The following TM9SF2 variants were observed in gnomAD, a reference collection of about 807,000 sequenced individuals.
TM9SF2 encodes the protein 76 kDa membrane protein.
A neutral mutation model predicts 84.9 loss-of-function variants in TM9SF2; 13 were observed. The ratio of observed to expected loss-of-function variants is 0.15; its 90% CI spans 0.10 to 0.24. The LOEUF is 0.24. TM9SF2 is among the 10% of genes least tolerant of loss of function. The pLI is 1.00. For synonymous variants in TM9SF2, 273 were observed against 285.8 expected (o/e 0.96, Z 0.45); for missense variants, 562 against 818.5 (o/e 0.69, Z 3.82).
intron 13 of TM9SF2, among the ~76,000 whole-genome samples, chr13:99,553,356 G>A (rs1020796666): frequency 1.3e-5 from 2 of 152,096 alleles, no homozygotes; most frequent in Admixed American, 6.6e-5. Flanking sequence ...AAACTTCTTC[G>A]GCATTTTGTT....
intron 16 of TM9SF2, among the ~76,000 whole-genome samples, chr13:99,561,927 C>T (rs183862799): frequency 1.1e-4 from 16 of 152,216 alleles, no homozygotes; most frequent in Admixed American, 5.9e-4. Flanking sequence ...AGAGTGTCCC[C>T]ATCTAGCATT....
At chr13:99,514,274 C>T (rs1490474526) in intron 1 of TM9SF2, 1 of 152,250 alleles carries the variant, frequency 6.6e-6, no homozygotes, top group Non-Finnish European at 1.5e-5. Flanking sequence ...ATTCACCGCT[C>T]ACTCACCCAG....
chr13:99,548,632 G>T (rs781274230), intron 11 of TM9SF2, among the ~76,000 whole-genome samples: 26 of 152,140 alleles, frequency 1.7e-4, no homozygotes, highest in Non-Finnish European at 3.7e-4. Context: ...AGCAAACATG[G>T]TCTGTCAAAT....
At chr13:99,518,108 T>G (rs1314022883) in intron 2 of TM9SF2, among the ~76,000 whole-genome samples, 1 of 152,186 alleles carries the variant, frequency 6.6e-6, no homozygotes, top group African/African-American at 2.4e-5. Context: ...TTCATAGTAT[T>G]TATTTTTATT....
At chr13:99,515,963 C>T (rs1019784668) in intron 1 of TM9SF2, among the ~76,000 whole-genome samples, 1 of 152,118 alleles carries the variant, frequency 6.6e-6, no homozygotes, top group Non-Finnish European at 1.5e-5. Flanking sequence ...ATCTCCTGAC[C>T]TCAGGTGATC....
chr13:99,510,569 T>G (rs1779242488), intron 1 of TM9SF2, among the ~76,000 whole-genome samples: 1 of 152,122 alleles, frequency 6.6e-6, no homozygotes, highest in Admixed American at 6.6e-5. Context: ...GCGTGTCATA[T>G]GGTTACACAG....
At chr13:99,534,239 GACTATAGCTTATTGA>G (rs550718567) in intron 4 of TM9SF2, among the ~76,000 whole-genome samples, 119 of 152,228 alleles carry the variant, frequency 7.8e-4, no homozygotes, top group African/African-American at 2.8e-3. Flanking sequence ...AGAACCACTG[GACTATAGCTTATTGA>G]ATTATAAAGG....
At chr13:99,529,712 T>G in intron 4 of TM9SF2, 118 bp downstream of exon 4, 1 of 1,152,282 alleles carries the variant, frequency 8.7e-7, no homozygotes, top group East Asian at 2.9e-5. Context: ...ATTTCCTTTT[T>G]TTTGTTACTA....
At chr13:99,522,363 C>T (rs981689261) in intron 3 of TM9SF2, among the ~76,000 whole-genome samples, 2 of 152,100 alleles carry the variant, frequency 1.3e-5, no homozygotes, top group East Asian at 1.9e-4. Flanking sequence ...CCTAAAATTG[C>T]CAGTAACTTT....
intron 4 of TM9SF2, 22 bp from the exon 5 acceptor site, chr13:99,536,586 T>G (rs1359437516): frequency 1.9e-6 from 3 of 1,606,030 alleles, no homozygotes; most frequent in Non-Finnish European, 2.6e-6. Flanking sequence ...TTTTCTAACT[T>G]AACTCCTCTT....
intron 1 of TM9SF2, among the ~76,000 whole-genome samples, chr13:99,503,054 C>A (rs558046691): frequency 6.6e-6 from 1 of 152,190 alleles, no homozygotes; most frequent in Non-Finnish European, 1.5e-5. Context: ...TACTTAAGTT[C>A]ATACTCTGCA....
chr13:99,544,869 G>A (rs2046276437), intron 10 of TM9SF2, among the ~76,000 whole-genome samples: 1 of 151,990 alleles, frequency 6.6e-6, no homozygotes, highest in African/African-American at 2.4e-5. Flanking sequence ...TTGCCAACTA[G>A]GACAATTTTT....
At chr13:99,540,011 A>G (rs1396965465) in intron 7 of TM9SF2, among the ~76,000 whole-genome samples, 2 of 152,218 alleles carry the variant, frequency 1.3e-5, no homozygotes, top group African/African-American at 4.8e-5. Flanking sequence ...TGTTATGAGA[A>G]TCTTAGTATT....
At chr13:99,515,533 A>G (rs1462113845) in intron 1 of TM9SF2, among the ~76,000 whole-genome samples, 1 of 152,220 alleles carries the variant, frequency 6.6e-6, no homozygotes, top group Non-Finnish European at 1.5e-5. Flanking sequence ...TCGGTATTAC[A>G]TGCAAAGGCT....
Position 99,521,996 on chromosome 13 carries a change from A to AGCC in TM9SF2, c.333+1872_333+1874dup, listed in dbSNP as rs938060872. Among the ~76,000 whole-genome samples, 123 of 152,220 alleles carry AGCC rather than the reference A, an allele frequency of 8.1e-4. 1 individual carries two copies. Among genetic ancestry groups the AGCC allele is most frequent in the Middle Eastern group, 3.4e-3 (1 of 294 alleles). On this transcript the variant is annotated intron_variant, in intron 3 of 16. Transcript: ENST00000376387. Reference sequence around the variant, plus strand: ...GGTTGGGATTATAGACATAGACGTGAGCCGCCGTCTGACGCCTTTCAAATA... The same window carrying AGCC: ...GGTTGGGATTATAGACATAGACGTGAGCCGCCGCCGTCTGACGCCTTTCAAATA...
At chr13:99,526,993 C>T (rs1460611335) in intron 3 of TM9SF2, among the ~76,000 whole-genome samples, 1 of 152,140 alleles carries the variant, frequency 6.6e-6, no homozygotes, top group Non-Finnish European at 1.5e-5. Flanking sequence ...CAGCATCCGT[C>T]AGGGACAGCC....
intron 7 of TM9SF2, among the ~76,000 whole-genome samples, chr13:99,540,014 T>C (rs2046251288): frequency 6.6e-6 from 1 of 152,216 alleles, no homozygotes; most frequent in Admixed American, 6.5e-5. Flanking sequence ...TATGAGAATC[T>C]TAGTATTCTA....
intron 1 of TM9SF2, among the ~76,000 whole-genome samples, chr13:99,511,470 C>A (rs915906887): frequency 6.6e-6 from 1 of 152,104 alleles, no homozygotes; most frequent in African/African-American, 2.4e-5. Context: ...TTTGAAATTT[C>A]TTTGTCTTGC....
chr13:99,514,376 A>T (rs2046125480), intron 1 of TM9SF2: 5 of 152,126 alleles, frequency 3.3e-5, no homozygotes, highest in Admixed American at 3.3e-4. Flanking sequence ...GATTGTACCT[A>T]TTCTATGTTT....
Sources: allele counts gnomAD v4.1 joint callset (sites outside exome capture counted in the v4.1 genomes callset), GRCh38; gene constraint gnomAD v4.1.1; transcripts MANE v1.5; gene names NCBI Gene and HGNC (gene_info 2026-07-23, HGNC 2026-07-21).